PPP6R3: variants seen among roughly 807,000 people sequenced by gnomAD.
PPP6R3 encodes serine/threonine-protein phosphatase 6 regulatory subunit 3.
A neutral mutation model predicts 110.7 loss-of-function variants in PPP6R3; 38 were observed. The observed-to-expected ratio is 0.34, with a 90% CI of 0.26 to 0.45. The LOEUF (loss-of-function observed/expected upper bound fraction) is 0.45, where lower values mean the gene tolerates loss of function less well. PPP6R3 is among the 20% of genes least tolerant of loss of function. PPP6R3 has a pLI of 1.00. For missense variants in PPP6R3, 870 were observed against 1,062.4 expected, an observed-to-expected ratio of 0.82 and a Z score of 2.52; for synonymous variants, 369 against 373.5, an observed-to-expected ratio of 0.99 and a Z score of 0.14.
chr11:68,536,833 A>C (rs2099273477), intron 2 of PPP6R3, among the ~76,000 whole-genome samples: 1 of 152,130 alleles, frequency 6.6e-6, no homozygotes, highest in African/African-American at 2.4e-5. Context: ...AAGGTCTTTG[A>C]ATGGTCTCTA....
At chr11:68,606,043 T>C (rs1939550762) in intron 22 of PPP6R3, among the ~76,000 whole-genome samples, 1 of 152,210 alleles carries the variant, frequency 6.6e-6, no homozygotes, top group Non-Finnish European at 1.5e-5. Context: ...GCAAAAATCC[T>C]GTGTAAGGTA....
Position 68,601,866 on chromosome 11 carries a change from A to C in PPP6R3, c.2196A>C (p.Thr732=), listed in dbSNP as rs543789141. Residue 732 remains threonine (T), a synonymous_variant, in exon 21 of 24, where the codon ACA becomes ACC. Transcript: ENST00000393800. ...TGAATTTTCTCTTTTTTGAAAGCAC[A>C]AAAGATTCTTTAAGGAGTAATTCTC... ...SFSEFTSSLS[T]KDSLRSNSPV... 4.3e-6 allele frequency: 7 copies of C among 1,611,634 alleles called. No homozygotes were observed. In the East Asian group the frequency reaches 1.6e-4, roughly 36 times the overall value.
intron 19 of PPP6R3, among the ~76,000 whole-genome samples, chr11:68,599,935 A>G (rs1469333659): frequency 1.3e-5 from 2 of 152,154 alleles, no homozygotes; most frequent in Non-Finnish European, 2.9e-5. Flanking sequence ...CATCCTGGCT[A>G]ACACAGTGAA....
chr11:68,602,051 T>TA, intron 21 of PPP6R3, 82 bp downstream of exon 21: 1 of 1,125,202 alleles, frequency 8.9e-7, no homozygotes, highest in South Asian at 1.5e-5. Context: ...GCTCAGGGGC[T>TA]AGTGGAGCCC....
intron 18 of PPP6R3, among the ~76,000 whole-genome samples, chr11:68,594,343 A>AGAGAGAGAGAGAGAGT (rs1252828026): frequency 1.8e-3 from 270 of 148,390 alleles, no homozygotes; most frequent in African/African-American, 6.4e-3. Flanking sequence ...AGTGAGAGAG[A>AGAGAGAGAGAGAGAGT]GAGTGAGAGA....
chr11:68,595,790 T>C (rs749068073), intron 18 of PPP6R3, among the ~76,000 whole-genome samples: 1 of 152,164 alleles, frequency 6.6e-6, no homozygotes, highest in Non-Finnish European at 1.5e-5. Context: ...CCTTGGTCAT[T>C]AGGAAAGTAC....
At chr11:68,510,746 T>C (rs759918585) in intron 1 of PPP6R3, among the ~76,000 whole-genome samples, 1 of 152,158 alleles carries the variant, frequency 6.6e-6, no homozygotes, top group Non-Finnish European at 1.5e-5. Context: ...TCCCACTCTC[T>C]TTTTTTCCCT....
At chr11:68,505,695 T>TG (rs1049679398) in intron 1 of PPP6R3, among the ~76,000 whole-genome samples, 1 of 151,836 alleles carries the variant, frequency 6.6e-6, no homozygotes, top group African/African-American at 2.4e-5. Context: ...CCCAGGGGAG[T>TG]GGGGTGGAAC....
intron 14 of PPP6R3, among the ~76,000 whole-genome samples, chr11:68,581,423 T>TA (rs2099554091): frequency 6.6e-6 from 1 of 152,254 alleles, no homozygotes; most frequent in South Asian, 2.1e-4. Flanking sequence ...TATTTTAACT[T>TA]AGACAGCAAG....
chr11:68,544,696 A>G (rs2099341093), intron 3 of PPP6R3, 142 bp from the exon 4 acceptor site: 3 of 609,988 alleles, frequency 4.9e-6, no homozygotes, highest in African/African-American at 3.7e-5. Flanking sequence ...GGTTGAACAG[A>G]ATGGATTGAA....
At chr11:68,494,120 A>C (rs1249979035) in intron 1 of PPP6R3, among the ~76,000 whole-genome samples, 1 of 198 alleles carries the variant, frequency 5.1e-3, no homozygotes, top group Non-Finnish European at 8.8e-3. Flanking sequence ...AAAAAAAAGA[A>C]TAAATAAAAA....
intron 1 of PPP6R3, among the ~76,000 whole-genome samples, chr11:68,474,424 T>C (rs1181542588): frequency 6.6e-6 from 1 of 151,978 alleles, no homozygotes; most frequent in Non-Finnish European, 1.5e-5. Context: ...TTGTCCTTGC[T>C]TTTTTTTCAA....
At chr11:68,495,975 C>G (rs892774890) in intron 1 of PPP6R3, among the ~76,000 whole-genome samples, 2 of 152,240 alleles carry the variant, frequency 1.3e-5, no homozygotes, top group Middle Eastern at 6.8e-3. Flanking sequence ...CTGATTTTGT[C>G]ATATCCATGC....
intron 2 of PPP6R3, among the ~76,000 whole-genome samples, chr11:68,526,719 T>A (rs1052315666): frequency 6.6e-6 from 1 of 152,210 alleles, no homozygotes; most frequent in African/African-American, 2.4e-5. Flanking sequence ...ATTACTTGCC[T>A]TTCCCCACAC....
intron 1 of PPP6R3, among the ~76,000 whole-genome samples, chr11:68,472,295 T>C (rs919731513): frequency 2.6e-5 from 4 of 152,192 alleles, no homozygotes; most frequent in African/African-American, 9.7e-5. Flanking sequence ...GGTTTATCCT[T>C]CTTCACTTCT....
In PPP6R3 at chr11:68,591,687, G is replaced by C. The variant is rs1185911796; in HGVS notation, c.1897G>C (p.Glu633Gln). 6.2e-7 allele frequency: 1 copy of C among 1,611,930 alleles called. No individual in the cohort carries two copies. Among genetic ancestry groups the C allele is most frequent in the Admixed American group, 1.7e-5 (1 of 59,578 alleles). The change falls in exon 18 of 24, where the codon GAA becomes CAA. Residue 633 changes from glutamate (E) to glutamine (Q), a missense_variant. By Grantham distance (29) the Glu-to-Gln change is conservative. Coordinates refer to ENST00000393800, the MANE Select transcript of PPP6R3 (RefSeq NM_001164161.2). ...GGAAAAGCACATCGCATTCACACCA[G>C]AATCCCAAAGACGATCCAGGTGAAA... ...WEEKHIAFTP[E>Q]SQRRSSSGST...
chr11:68,588,647 C>T (rs907548458), intron 16 of PPP6R3, among the ~76,000 whole-genome samples: 9 of 151,058 alleles, frequency 6.0e-5, no homozygotes, highest in Non-Finnish European at 1.0e-4. Context: ...TTAGTAGAGA[C>T]GGGATTTCAC....
At chr11:68,545,500 A>G (rs1443130297) in intron 4 of PPP6R3, among the ~76,000 whole-genome samples, 1 of 152,254 alleles carries the variant, frequency 6.6e-6, no homozygotes, top group Non-Finnish European at 1.5e-5. Flanking sequence ...AAACTTCTCC[A>G]GTGTCAGGCT....
chr11:68,508,555 G>A (rs185942998), intron 1 of PPP6R3, among the ~76,000 whole-genome samples: 1 of 152,224 alleles, frequency 6.6e-6, no homozygotes, highest in Admixed American at 6.5e-5. Flanking sequence ...CAGTGCCAGC[G>A]CAAAAGGTTT....
Sources: gnomAD v4.1 joint callset for allele counts (sites outside exome capture counted in the v4.1 genomes callset) on GRCh38, gnomAD v4.1.1 for gene constraint, MANE v1.5 for transcripts, NCBI Gene and HGNC (gene_info 2026-07-23, HGNC 2026-07-21) for gene names.